Variants in ESF1 observed in about 807,000 individuals in gnomAD.
ESF1 encodes the protein ESF1 homolog.
ESF1 carries 58 observed loss-of-function variants against 92.0 expected under a neutral mutation model. That is an observed-to-expected ratio of 0.63 (90% CI 0.51 to 0.78). The LOEUF is 0.78. Ranked by LOEUF, ESF1 falls within the 30% of genes least tolerant of loss-of-function variation. The probability of loss-of-function intolerance (pLI) is 0.00; values close to 1 mark genes in which losing one functional copy is unlikely to be tolerated. For missense variants in ESF1, 922 were observed against 989.1 expected, an observed-to-expected ratio of 0.93 and a Z score of 0.91; for synonymous variants, 321 against 313.7, an observed-to-expected ratio of 1.02 and a Z score of -0.24.
intron 8 of ESF1, among the ~76,000 whole-genome samples, chr20:13,760,406 C>T (rs1317002775): frequency 4.0e-5 from 6 of 151,582 alleles, no homozygotes; most frequent in South Asian, 4.2e-4. Flanking sequence ...TCTGCCCTGC[C>T]GCCCCGTCTG....
intron 12 of ESF1, among the ~76,000 whole-genome samples, chr20:13,718,629 T>A (rs971721564): frequency 1.9e-4 from 29 of 152,194 alleles, no homozygotes; most frequent in Non-Finnish European, 3.8e-4. Context: ...TAAGTGTTTT[T>A]AAAAGTGAGA....
chr20:13,752,063 T>C (rs1207241300), intron 9 of ESF1, among the ~76,000 whole-genome samples: 2 of 152,108 alleles, frequency 1.3e-5, no homozygotes, highest in Non-Finnish European at 1.5e-5. Flanking sequence ...AAACAGTCTA[T>C]CAAATAATTC....
chr20:13,733,689 A>C, intron 10 of ESF1, 32 bp downstream of exon 10: 1 of 1,601,086 alleles, frequency 6.2e-7, no homozygotes, highest in African/African-American at 1.3e-5. Flanking sequence ...GTTGGTATTC[A>C]ACAAACATTT....
In ESF1 at chr20:13,715,046, C is replaced by G; in HGVS notation, c.2384G>C (p.Arg795Pro). The G allele has an allele frequency of 6.2e-7, 1 of 1,613,716 alleles. No homozygotes were observed. Among genetic ancestry groups the G allele is most frequent in the South Asian group, 1.1e-5 (1 of 91,058 alleles). The stretch of plus-strand genomic sequence containing the variant: ...TTCTTGTTCTTTCCGTTCTCTTTGC[C>G]GGGCCTTCTCCTCAAGGATTTTTTC... The part of the protein sequence containing the change: ...AMEKILEEKA[R>P]QRERKEQELT... Residue 795 changes from arginine (R) to proline (P), a missense_variant, in exon 14 of 14, where the codon CGG (arginine) becomes CCG (proline). Coordinates refer to ENST00000617257, the MANE Select transcript of ESF1 (RefSeq NM_001276380.2).
At chr20:13,759,588 G>C in intron 9 of ESF1, 104 bp downstream of exon 9, 1 of 1,424,964 alleles carries the variant, frequency 7.0e-7, no homozygotes, top group East Asian at 2.6e-5. Flanking sequence ...ATGCAAATAT[G>C]ATGTTAAGGT....
Position 13,759,769 on chromosome 20 carries a change from T to A in ESF1, c.1751A>T (p.Gln584Leu), listed in dbSNP as rs777679939. The change falls in exon 9 of 14, where the codon CAG becomes CTG. Residue 584 changes from glutamine to leucine, a missense_variant. Gln to Leu is a moderately radical substitution (Grantham distance 113). Transcript: ENST00000617257. The part of the protein sequence containing the change: ...DDEEQIAKYR[Q>L]LLQVIQEKEK... ...TTTTTCTTGAATAACCTGCAAGAGC[T>A]GCCTGTATTTAGCAATTTGTTCTTC... The A allele has an allele frequency of 6.3e-7, 1 of 1,580,582 alleles. No homozygotes were observed.
At chr20:13,742,337 G>A (rs2050018813) in intron 9 of ESF1, among the ~76,000 whole-genome samples, 1 of 152,118 alleles carries the variant, frequency 6.6e-6, no homozygotes. Flanking sequence ...GCTGGGTGTG[G>A]TAGTGAGTGA....
At chr20:13,762,806 T>C in intron 8 of ESF1, 1 of 376,588 alleles carries the variant, frequency 2.7e-6, no homozygotes, top group Admixed American at 4.0e-5. Context: ...AAATATACGC[T>C]TTAAAAAAAC....
rs566732453 is a variant in ESF1, at chr20:13,781,458, TA to T, written c.637+1045del. 1.9e-3 allele frequency among the ~76,000 whole-genome samples: 287 copies of T among 152,326 alleles called. 1 individual carries two copies. The highest frequency in any genetic ancestry group is 3.4e-3 in the Non-Finnish European group (230 of 68,028). On this transcript the variant is annotated intron_variant, in intron 2 of 13. Transcript: ENST00000617257. The stretch of plus-strand genomic sequence containing the variant: ...AAAATCCAAAATTATGTATTTCTAC[TA>T]GACAATGTTGCTTTAGACAGGGGCC...
At chr20:13,760,680 C>G (rs1308368507) in intron 8 of ESF1, among the ~76,000 whole-genome samples, 3 of 150,944 alleles carry the variant, frequency 2.0e-5, no homozygotes. Context: ...TCAGCCCCTG[C>G]CAGGCCAGCC....
At chr20:13,724,425 A>G (rs1199252816) in intron 11 of ESF1, among the ~76,000 whole-genome samples, 1 of 152,238 alleles carries the variant, frequency 6.6e-6, no homozygotes, top group East Asian at 1.9e-4. Flanking sequence ...AAAACTTCCA[A>G]CTTCTTCCTG....
In ESF1 at chr20:13,772,603, C is replaced by A; in HGVS notation, c.1162G>T (p.Glu388Ter). 1 of 1,609,828 alleles carries A rather than the reference C, an allele frequency of 6.2e-7. No individual in the cohort carries two copies. The highest frequency in any genetic ancestry group is 8.5e-7 in the Non-Finnish European group (1 of 1,177,146). Residue 388 changes from glutamate (E) to a stop codon, truncating the protein, a stop_gained, in exon 5 of 14, where the codon GAA (glutamate) becomes TAA (stop). Coordinates refer to ENST00000617257, the MANE Select transcript of ESF1 (RefSeq NM_001276380.2). LOFTEE classifies it high-confidence loss of function. The stretch of plus-strand genomic sequence containing the variant: ...TCCTTCATCCTCTCCTTTCCAAATT[C>A]TGAAGGATATATCTAAACAGAAAAA... ...VIFSVKIYPS[E>*]FGKERMKEEQ...
intron 9 of ESF1, among the ~76,000 whole-genome samples, chr20:13,751,034 T>C (rs1978609048): frequency 6.6e-6 from 1 of 152,148 alleles, no homozygotes; most frequent in Admixed American, 6.5e-5. Context: ...CAAAAACGTA[T>C]CTGTGAGAAA....
chr20:13,762,135 T>C (rs1054825173), intron 8 of ESF1, among the ~76,000 whole-genome samples: 12 of 152,178 alleles, frequency 7.9e-5, no homozygotes, highest in African/African-American at 2.4e-4. Flanking sequence ...CAAGTCCTTA[T>C]ATCATCAATG....
At chr20:13,738,290 A>T (rs2049988736) in intron 9 of ESF1, among the ~76,000 whole-genome samples, 1 of 150,876 alleles carries the variant, frequency 6.6e-6, no homozygotes, top group Non-Finnish European at 1.5e-5. Context: ...TTCTTGTATG[A>T]ACTTCTGTAA....
chr20:13,783,110 G>C lies in ESF1; in HGVS notation c.31C>G (p.Gln11Glu), dbSNP rs1363683726. 1 of 1,603,986 alleles carries C rather than the reference G, an allele frequency of 6.2e-7. No homozygotes were observed. Among genetic ancestry groups the C allele is most frequent in the Non-Finnish European group, 8.5e-7 (1 of 1,172,630 alleles). The change falls in exon 2 of 14, where the codon CAG (glutamine) becomes GAG (glutamate). Residue 11 changes from glutamine to glutamate, a missense_variant. Gln to Glu is a conservative substitution (Grantham distance 29). Coordinates refer to ENST00000617257, the MANE Select transcript of ESF1 (RefSeq NM_001276380.2). ...TCCTTTGCAACCCGTCTAAACCGCT[G>C]GTCACTCATTATTTCTTGTTTGGAT... MSSKQEIMSD[Q>E]RFRRVAKDPR...
intron 9 of ESF1, among the ~76,000 whole-genome samples, chr20:13,749,147 C>A (rs987807761): frequency 4.6e-5 from 7 of 151,640 alleles, no homozygotes; most frequent in African/African-American, 1.7e-4. Context: ...CTCACTGCAA[C>A]CTCCACCTCC....
At chr20:13,766,640 TAA>T in intron 8 of ESF1, 135 bp downstream of exon 8, 1 of 749,328 alleles carries the variant, frequency 1.3e-6, no homozygotes, top group African/African-American at 1.8e-5. Context: ...AATTTTTTTT[TAA>T]AAAAATCAAT....
At chr20:13,757,276 A>T (rs568568244) in intron 9 of ESF1, among the ~76,000 whole-genome samples, 11 of 152,360 alleles carry the variant, frequency 7.2e-5, no homozygotes, top group African/African-American at 2.6e-4. Flanking sequence ...ATATATAAAA[A>T]GATAAGGTAC....
Sources: gnomAD v4.1 joint callset for allele counts (sites outside exome capture counted in the v4.1 genomes callset) on GRCh38, gnomAD v4.1.1 for gene constraint, MANE v1.5 for transcripts, NCBI Gene and HGNC (gene_info 2026-07-23, HGNC 2026-07-21) for gene names.